The following RASAL3 variants were observed in gnomAD, a reference collection of about 807,000 sequenced individuals.
RASAL3 encodes RAS protein activator like-3.
RASAL3 carries 74 observed loss-of-function variants against 105.5 expected under a neutral mutation model. The observed-to-expected ratio is 0.70, with a 90% confidence interval of 0.58 to 0.85. RASAL3 has a LOEUF of 0.85. Ranked by LOEUF, RASAL3 falls within the 40% of genes least tolerant of loss-of-function variation. RASAL3 has a pLI of 0.00. For missense variants in RASAL3, 1,352 were observed against 1,392.0 expected, an observed-to-expected ratio of 0.97 and a Z score of 0.46; for synonymous variants, 579 against 591.6, an observed-to-expected ratio of 0.98 and a Z score of 0.31.
In RASAL3 at chr19:15,456,369, T is replaced by A; in HGVS notation, c.1577-121A>T. The A allele has an allele frequency of 6.6e-7, 1 of 1,522,802 alleles. No individual in the cohort carries two copies. The highest frequency in any genetic ancestry group is 2.3e-5 in the East Asian group (1 of 42,614). The allele number at this position is 1,522,802 out of a possible 1,614,324, so 94.3% of individuals were successfully genotyped here. A position where few individuals can be genotyped will look rare whatever the true frequency, so the allele number is the denominator to read the frequency against. ...ACCCAACATCTTGGGGAGCTCCCAATTGTCCCCAGGATCCTAGCACCCCCA... is the reference window on the plus strand; with the variant it reads ...ACCCAACATCTTGGGGAGCTCCCAAATGTCCCCAGGATCCTAGCACCCCCA... On this transcript the variant is annotated intron_variant, in intron 10 of 17. Transcript: ENST00000343625. The surrounding 1 kb of genome is among the most constrained non-coding windows in gnomAD (Gnocchi z 4.4).
chr19:15,461,252 G>A lies in RASAL3; in HGVS notation c.510C>T (p.Ser170=). 6.2e-7 allele frequency: 1 copy of A among 1,613,856 alleles called. No individual in the cohort carries two copies. The highest frequency in any genetic ancestry group is 1.7e-5 in the Admixed American group (1 of 59,994). The part of the protein sequence containing the change: ...PRVGSASSEG[S]IHVAMGNFRD... The stretch of plus-strand genomic sequence containing the variant: ...TGAAGTTCCCCATGGCCACGTGGAT[G>A]CTGCCCTCGGAGCTAGCACTTCCCA... Residue 170 remains serine, a synonymous_variant, in exon 4 of 18, where the codon AGC becomes AGT. Transcript: ENST00000343625.
intron 2 of RASAL3, 21 bp downstream of exon 2, chr19:15,464,010 C>T (rs1192462822): frequency 1.3e-6 from 2 of 1,522,448 alleles, no homozygotes; most frequent in East Asian, 2.3e-5. Flanking sequence ...GGCCCAAGCT[C>T]AGGGTGGGGG....
At chr19:15,464,473 C>T in intron 1 of RASAL3, 32 bp downstream of exon 1, 1 of 1,035,922 alleles carries the variant, frequency 9.7e-7, no homozygotes, top group Non-Finnish European at 1.4e-6. Flanking sequence ...CTCCAGGAAT[C>T]CCCCTGCCCC....
chr19:15,453,605 T>C lies in RASAL3; in HGVS notation c.2280-108A>G, dbSNP rs1310152395. The C allele has an allele frequency of 5.9e-6, 7 of 1,177,220 alleles. No homozygotes were observed. Among genetic ancestry groups the C allele is most frequent in the Admixed American group, 3.7e-5 (1 of 26,734 alleles). The allele number at this position is 1,177,220 out of a possible 1,614,324, so 72.9% of individuals were successfully genotyped here. Reference sequence around the variant, plus strand: ...CCCCACGTGAACTTGTCCTTTCTTTTTTTTTTTTGAGACAAGGTCTTGCTC... The same window carrying C: ...CCCCACGTGAACTTGTCCTTTCTTTCTTTTTTTTGAGACAAGGTCTTGCTC... On this transcript the variant is annotated intron_variant, in intron 14 of 17. Transcript: ENST00000343625. This position sits in a 1 kb window ranked among gnomAD's most constrained non-coding sequence, Gnocchi z 4.2.
chr19:15,456,983 C>T lies in RASAL3; in HGVS notation c.1431+309G>A, dbSNP rs1047184852. 4 of 459,944 alleles carry T rather than the reference C, an allele frequency of 8.7e-6. No homozygotes were observed. Among genetic ancestry groups the T allele is most frequent in the African/African-American group, 2.0e-5 (1 of 50,450 alleles). The allele number at this position is 459,944 out of a possible 1,614,324, so 28.5% of individuals were successfully genotyped here. A position where few individuals can be genotyped will look rare whatever the true frequency, so the allele number is the denominator to read the frequency against. On this transcript the variant is annotated intron_variant, in intron 9 of 17. Coordinates refer to ENST00000343625, the MANE Select transcript of RASAL3 (RefSeq NM_022904.3). This position sits in a 1 kb window ranked among gnomAD's most constrained non-coding sequence, Gnocchi z 4.4. ...CGCCCCTCACAGCTGAAGCTCAGGC[C>T]CAGTCCTTCAAGGTGCCCCGCCCCT...
At chr19:15,459,324 C>A (rs1465685978) in intron 6 of RASAL3, among the ~76,000 whole-genome samples, 1 of 151,434 alleles carries the variant, frequency 6.6e-6, no homozygotes, top group African/African-American at 2.4e-5. Context: ...TGGCTCACTG[C>A]AATGTCCACC....
Position 15,457,436 on chromosome 19 carries a change from G to A in RASAL3, c.1287C>T (p.Ser429=), listed in dbSNP as rs1300665087. The A allele has an allele frequency of 7.0e-7, 1 of 1,427,494 alleles. No individual in the cohort carries two copies. Among genetic ancestry groups the A allele is most frequent in the Non-Finnish European group, 9.2e-7 (1 of 1,092,726 alleles). The allele number at this position is 1,427,494 out of a possible 1,614,324, so 88.4% of individuals were successfully genotyped here. Residue 429 remains serine (S), a synonymous_variant, in exon 9 of 18, where the codon TCC becomes TCT. Transcript: ENST00000343625. The surrounding 1 kb of genome is among the most constrained non-coding windows in gnomAD (Gnocchi z 8.6). The part of the protein sequence containing the change: ...IRARRLRVLP[S]ERYKELAEFL... The stretch of plus-strand genomic sequence containing the variant: ...ACTCCGCCAGCTCCTTGTAGCGCTC[G>A]GACGGCAGCACGCGCAGGCGACGCG...
At chr19:15,452,963 GA>G in intron 15 of RASAL3, 143 bp downstream of exon 15, 1 of 1,469,852 alleles carries the variant, frequency 6.8e-7, no homozygotes. Context: ...TGGGGAGACT[GA>G]AGCTCAGAGA....
In RASAL3 at chr19:15,458,556, G is replaced by C. The variant is rs764788764; in HGVS notation, c.762C>G (p.Ser254Arg). 6.2e-7 allele frequency: 1 copy of C among 1,613,852 alleles called. No homozygotes were observed. The highest frequency in any genetic ancestry group is 8.5e-7 in the Non-Finnish European group (1 of 1,179,806). Residue 254 changes from serine to arginine, a missense_variant, in exon 7 of 18, where the codon AGC becomes AGG. Transcript: ENST00000343625. ...RDVRIWPLHP[S>R]LLGEPHCFQV... Reference sequence around the variant, plus strand: ...GAAAGCAGTGGGGCTCCCCCAGGAGGCTGGGGTGCAGTGGCCAGATCCGCA... The same window carrying C: ...GAAAGCAGTGGGGCTCCCCCAGGAGCCTGGGGTGCAGTGGCCAGATCCGCA...
At chr19:15,462,550 G>A (rs1970542793) in intron 2 of RASAL3, among the ~76,000 whole-genome samples, 1 of 151,600 alleles carries the variant, frequency 6.6e-6, no homozygotes, top group Admixed American at 6.6e-5. Flanking sequence ...GAGCTTCCAG[G>A]AAATAGGAGG....
chr19:15,453,574 C>A lies in RASAL3; in HGVS notation c.2280-77G>T. The A allele has an allele frequency of 7.3e-7, 1 of 1,368,816 alleles. No individual in the cohort carries two copies. The highest frequency in any genetic ancestry group is 3.1e-5 in the East Asian group (1 of 32,748). 84.8% of individuals were successfully genotyped at this position (1,368,816 alleles called of 1,614,324 possible). On this transcript the variant is annotated intron_variant, in intron 14 of 17. Coordinates refer to ENST00000343625, the MANE Select transcript of RASAL3 (RefSeq NM_022904.3). This position sits in a 1 kb window ranked among gnomAD's most constrained non-coding sequence, Gnocchi z 4.2. Reference sequence around the variant, plus strand: ...CCATCCCGACCTGACCAGAAGTGACCTCACCCCCCACGTGAACTTGTCCTT... The same window carrying A: ...CCATCCCGACCTGACCAGAAGTGACATCACCCCCCACGTGAACTTGTCCTT...
intron 3 of RASAL3, 28 bp from the exon 4 acceptor site, chr19:15,461,324 G>T: frequency 1.2e-6 from 2 of 1,606,058 alleles, no homozygotes; most frequent in Non-Finnish European, 8.5e-7. Flanking sequence ...TGGGTAGTCA[G>T]AGAGGGGAGG....
Position 15,460,214 on chromosome 19 carries a change from C to T in RASAL3, c.651G>A (p.Glu217=), listed in dbSNP as rs1200278909. The change falls in exon 6 of 18, where the codon GAG becomes GAA. Residue 217 remains glutamate (E), a synonymous_variant. Transcript: ENST00000343625. ...TCATACACCCTTACCCATCCCGGGGCTCCAACCTGGCCTTTTTCTTCTCTT... is the reference window on the plus strand; with the variant it reads ...TCATACACCCTTACCCATCCCGGGGTTCCAACCTGGCCTTTTTCTTCTCTT... ...RLKEKKKARL[E]PRDGPPSALG... 4 of 1,608,098 alleles carry T rather than the reference C, an allele frequency of 2.5e-6. No homozygotes were observed. The highest frequency in any genetic ancestry group is 2.2e-5 in the East Asian group (1 of 44,774).
At position 15,451,919 on chromosome 19, in the gene RASAL3, A is replaced by G. The variant is rs776386482; in HGVS notation, c.2912T>C (p.Met971Thr). Residue 971 changes from methionine (M) to threonine (T), a missense_variant, in exon 18 of 18, where the codon ATG (methionine) becomes ACG (threonine). By Grantham distance (81) the Met-to-Thr change is moderately conservative (BLOSUM62 -1). Transcript: ENST00000343625. ...LKNLEHRLNE[M>T]ERTQAQLRDA... ...CCTCAGCTGAGCCTGAGTTCTCTCC[A>G]TCTCATTTAGGCGGTGCTCCTGGGG... is the stretch of plus-strand genomic sequence containing the variant. The G allele has an allele frequency of 1.2e-6, 2 of 1,608,420 alleles. No individual in the cohort carries two copies. The highest frequency in any genetic ancestry group is 1.7e-6 in the Non-Finnish European group (2 of 1,175,318).
In RASAL3 at chr19:15,461,529, T is replaced by C. The variant is rs749979282; in HGVS notation, c.407A>G (p.Asp136Gly). 2 of 1,539,120 alleles carry C rather than the reference T, an allele frequency of 1.3e-6. No homozygotes were observed. Among genetic ancestry groups the C allele is most frequent in the South Asian group, 2.4e-5 (2 of 82,342 alleles). Residue 136 changes from aspartate (D) to glycine (G), a missense_variant, in exon 3 of 18, where the codon GAC becomes GGC. Physicochemically the swap from Asp to Gly is moderately conservative, Grantham distance 94. This residue lies in a region of RASAL3 where 344 missense variants were observed against 339.6 expected (regional missense o/e 1.01). Coordinates refer to ENST00000343625, the MANE Select transcript of RASAL3 (RefSeq NM_022904.3). ...ATCAAGCAGGGTGAAGCCCCCAATG[T>C]CCCAGACAGGCACGTTGGGTGTGGG... ...EAPTPNVPVW[D>G]IGGFTLLDGK...
At chr19:15,452,580 G>GTC in intron 16 of RASAL3, 78 bp downstream of exon 16, 1 of 1,184,312 alleles carries the variant, frequency 8.4e-7, no homozygotes, top group Non-Finnish European at 1.1e-6. Flanking sequence ...TGGTTTGGGG[G>GTC]GGGGGGGGAG....
rs200733775 is a variant in RASAL3, at chr19:15,458,438, G to T, written c.790-12C>A. 6.2e-7 allele frequency: 1 copy of T among 1,613,568 alleles called. No homozygotes were observed. The highest frequency in any genetic ancestry group is 8.5e-7 in the Non-Finnish European group (1 of 1,179,672). ...CCCGTCCAGGTTACCTGTTGGGATGGAGAATCCAACGGTGTGATCGAGGCC... is the reference window on the plus strand; with the variant it reads ...CCCGTCCAGGTTACCTGTTGGGATGTAGAATCCAACGGTGTGATCGAGGCC... On this transcript the variant is annotated splice_polypyrimidine_tract_variant and intron_variant, in intron 7 of 17. Coordinates refer to ENST00000343625, the MANE Select transcript of RASAL3 (RefSeq NM_022904.3).
Position 15,464,014 on chromosome 19 carries a change from GT to G in RASAL3, c.328+16del, listed in dbSNP as rs1479659136. 2 of 1,532,336 alleles carry G rather than the reference GT, an allele frequency of 1.3e-6. No homozygotes were observed. Among genetic ancestry groups the G allele is most frequent in the East Asian group, 4.5e-5 (2 of 44,080 alleles). The allele number at this position is 1,532,336 out of a possible 1,614,324, so 94.9% of individuals were successfully genotyped here. A position where few individuals can be genotyped will look rare whatever the true frequency, so the allele number is the denominator to read the frequency against. On this transcript the variant is annotated intron_variant, in intron 2 of 17. Coordinates refer to ENST00000343625, the MANE Select transcript of RASAL3 (RefSeq NM_022904.3). ...CTTCCCAGCCCGGCCCAAGCTCAGGGTGGGGGAACCATGTACCTGGGGCCTC... is the reference window on the plus strand; with the variant it reads ...CTTCCCAGCCCGGCCCAAGCTCAGGGGGGGGAACCATGTACCTGGGGCCTC...
intron 4 of RASAL3, 48 bp from the exon 5 acceptor site, chr19:15,461,169 C>G: frequency 6.2e-7 from 1 of 1,613,560 alleles, no homozygotes; most frequent in Non-Finnish European, 8.5e-7. Context: ...TTCTGCCCCA[C>G]TTTTAGAGCC....
Sources: allele counts gnomAD v4.1 joint callset (sites outside exome capture counted in the v4.1 genomes callset), GRCh38; gene constraint gnomAD v4.1.1; regional missense constraint gnomAD v4.1.1; non-coding constraint Gnocchi (gnomAD v3.1); transcripts MANE v1.5; gene names NCBI Gene and HGNC (gene_info 2026-07-23, HGNC 2026-07-21).